Variants in MAML1 observed in about 807,000 individuals in gnomAD.
The protein encoded by MAML1 is mastermind like transcriptional coactivator 1.
A neutral mutation model predicts 77.1 loss-of-function variants in MAML1; 14 were observed. The ratio of observed to expected loss-of-function variants is 0.18; its 90% confidence interval spans 0.12 to 0.28. The LOEUF is 0.28. Ranked by LOEUF, MAML1 falls within the 10% of genes least tolerant of loss-of-function variation. The pLI is 1.00. For synonymous variants in MAML1, 516 were observed against 551.9 expected (o/e 0.93, Z 0.91); for missense variants, 1,217 against 1,327.8 (o/e 0.92, Z 1.30).
At chr5:179,745,544 C>T (rs368573547) in intron 1 of MAML1, among the ~76,000 whole-genome samples, 5 of 150,668 alleles carry the variant, frequency 3.3e-5, no homozygotes, top group Non-Finnish European at 5.9e-5. Context: ...GGAGAAACCC[C>T]GTCTCTACTA....
At chr5:179,743,636 A>T (rs1374642875) in intron 1 of MAML1, among the ~76,000 whole-genome samples, 2 of 151,818 alleles carry the variant, frequency 1.3e-5, no homozygotes, top group Non-Finnish European at 2.9e-5. Flanking sequence ...AAGTGCTGGG[A>T]TTACAGATGT....
Position 179,765,547 on chromosome 5 carries a change from C to T in MAML1, c.537C>T (p.His179=), listed in dbSNP as rs1321507482. Residue 179 remains histidine (H), a synonymous_variant, in exon 2 of 5, where the codon CAC becomes CAT. Coordinates refer to ENST00000292599, the MANE Select transcript of MAML1 (RefSeq NM_014757.5). The part of the protein sequence containing the change: ...GADALQSSGK[H]SLGLDSLNKK... The stretch of plus-strand genomic sequence containing the variant: ...ACGCCCTGCAGTCCAGTGGGAAGCA[C>T]TCTCTGGGGCTAGACTCTCTCAACA... 2 of 1,614,068 alleles carry T rather than the reference C, an allele frequency of 1.2e-6. No homozygotes were observed. The highest frequency in any genetic ancestry group is 1.7e-6 in the Non-Finnish European group (2 of 1,179,950).
In MAML1 at chr5:179,768,915, C is replaced by T. The variant is rs756133369; in HGVS notation, c.1797C>T (p.Ala599=). Residue 599 remains alanine (A), a synonymous_variant, in exon 3 of 5, where the codon GCC becomes GCT. Transcript: ENST00000292599. ...CCAGTGTTGGGACCCAGCCGCCTGC[C>T]GTGTCCGTGGCCAGCTCCCACAACA... ...QATSVGTQPP[A]VSVASSHNSS... is the part of the protein sequence containing the mutation. 57 of 1,614,046 alleles carry T rather than the reference C, an allele frequency of 3.5e-5. No homozygotes were observed. Among genetic ancestry groups the T allele is most frequent in the Non-Finnish European group, 4.2e-5 (49 of 1,180,050 alleles).
intron 4 of MAML1, among the ~76,000 whole-genome samples, chr5:179,772,049 T>C (rs1172230531): frequency 2.0e-5 from 3 of 152,160 alleles, no homozygotes; most frequent in Middle Eastern, 3.2e-3. Flanking sequence ...TTCAGACCCA[T>C]CTGACATTTT....
At chr5:179,764,989 AT>A (rs1247955342) in intron 1 of MAML1, among the ~76,000 whole-genome samples, 11 of 103,574 alleles carry the variant, frequency 1.1e-4, no homozygotes, top group Admixed American at 5.9e-4. Flanking sequence ...TATATATAAT[AT>A]ATATATGTGT....
chr5:179,776,775 G>T lies in MAML1; in HGVS notation c.*1898G>T, dbSNP rs962437825. ...TTAGTCCTGGGGCCGGCGACACAGT[G>T]GGGGCTCCTCACTTGCTGCAGTGTC... On this transcript the variant is annotated 3_prime_UTR_variant, in exon 5 of 5. Coordinates refer to ENST00000292599, the MANE Select transcript of MAML1 (RefSeq NM_014757.5). The T allele has an allele frequency of 1.0e-5, 10 of 985,816 alleles. No individual in the cohort carries two copies. Among genetic ancestry groups the T allele is most frequent in the African/African-American group, 1.7e-5 (1 of 57,248 alleles). 61.1% of individuals were successfully genotyped at this position (985,816 alleles called of 1,614,324 possible). A position where few individuals can be genotyped will look rare whatever the true frequency, so the allele number is the denominator to read the frequency against.
At position 179,766,106 on chromosome 5, in the gene MAML1, G is replaced by A. The variant is rs1357507372; in HGVS notation, c.1096G>A (p.Ala366Thr). The A allele has an allele frequency of 1.9e-6, 3 of 1,578,668 alleles. No homozygotes were observed. The highest frequency in any genetic ancestry group is 2.6e-6 in the Non-Finnish European group (3 of 1,163,970). Residue 366 changes from alanine to threonine, a missense_variant, in exon 2 of 5, where the codon GCA becomes ACA. Coordinates refer to ENST00000292599, the MANE Select transcript of MAML1 (RefSeq NM_014757.5). The surrounding 1 kb of genome is among the most constrained non-coding windows in gnomAD (Gnocchi z 4.0). ...CAATCCCAGTCCAAACCTGATGCCGGCATCAGCCCAGGCCCAGAACGCACA... is the reference window on the plus strand; with the variant it reads ...CAATCCCAGTCCAAACCTGATGCCGACATCAGCCCAGGCCCAGAACGCACA... ...ADNPSPNLMP[A>T]SAQAQNAQRA...
chr5:179,761,605 G>C (rs912338805), intron 1 of MAML1, among the ~76,000 whole-genome samples: 1 of 152,194 alleles, frequency 6.6e-6, no homozygotes, highest in African/African-American at 2.4e-5. Context: ...TGAGGCAGGA[G>C]AGTCACTTGA....
rs1450185694 is a variant in MAML1 at position 179,775,278 on chromosome 5, G to A, written c.*401G>A. 1 of 999,760 alleles carries A rather than the reference G, an allele frequency of 1.0e-6. No individual in the cohort carries two copies. Among genetic ancestry groups the A allele is most frequent in the African/African-American group, 1.7e-5 (1 of 57,910 alleles). The allele number at this position is 999,760 out of a possible 1,614,324, so 61.9% of individuals were successfully genotyped here. A position where few individuals can be genotyped will look rare whatever the true frequency, so the allele number is the denominator to read the frequency against. On this transcript the variant is annotated 3_prime_UTR_variant, in exon 5 of 5. Coordinates refer to ENST00000292599, the MANE Select transcript of MAML1 (RefSeq NM_014757.5). ...ACCCCAGTGCTGGGGACAAGTTTCT[G>A]TTGAAACTTTAGATAGCAGAATTAT...
chr5:179,773,126 G>A (rs897610929), intron 4 of MAML1, among the ~76,000 whole-genome samples: 4 of 152,106 alleles, frequency 2.6e-5, no homozygotes, highest in Admixed American at 6.5e-5. Flanking sequence ...CTCGTGATTC[G>A]CCCGCCTCGG....
At chr5:179,735,041 G>T (rs1472061994) in intron 1 of MAML1, among the ~76,000 whole-genome samples, 1 of 152,134 alleles carries the variant, frequency 6.6e-6, no homozygotes, top group Non-Finnish European at 1.5e-5. Flanking sequence ...TATTTCGGGG[G>T]AAGGGATAGC....
chr5:179,733,353 A>ACGGCCCCGGCGCCCGCCGCCC lies in MAML1; in HGVS notation c.250_270dup (p.Ala84_Pro90dup). On this transcript the variant is annotated inframe_insertion, in exon 1 of 5. Transcript: ENST00000292599. ...GAAGCACAGGCAGCCGCCCGCCGCC[A>ACGGCCCCGGCGCCCGCCGCCC]CGGCCCCGGCGCCCGCCGCCCCGGC... is the stretch of plus-strand genomic sequence containing the variant. 7.8e-7 allele frequency: 1 copy of ACGGCCCCGGCGCCCGCCGCCC among 1,278,718 alleles called. No homozygotes were observed. Among genetic ancestry groups the ACGGCCCCGGCGCCCGCCGCCC allele is most frequent in the Non-Finnish European group, 9.9e-7 (1 of 1,009,816 alleles). The allele number at this position is 1,278,718 out of a possible 1,614,324, so 79.2% of individuals were successfully genotyped here. A position where few individuals can be genotyped will look rare whatever the true frequency, so the allele number is the denominator to read the frequency against.
intron 1 of MAML1, among the ~76,000 whole-genome samples, chr5:179,735,827 A>G (rs187134395): frequency 2.2e-4 from 33 of 151,930 alleles, no homozygotes; most frequent in African/African-American, 7.7e-4. Context: ...AGCTGGGATT[A>G]CAGGCGCACA....
chr5:179,745,859 C>CAAA lies in MAML1; in HGVS notation c.315+12455_315+12457dup, dbSNP rs36036714. Among the ~76,000 whole-genome samples, 153 of 63,434 alleles carry CAAA rather than the reference C, an allele frequency of 2.4e-3. 1 individual carries two copies. The highest frequency in any genetic ancestry group is 5.4e-3 in the Admixed American group (25 of 4,618). The allele number at this position is 63,434 out of a possible 152,430, so 41.6% of individuals were successfully genotyped here. A position where few individuals can be genotyped will look rare whatever the true frequency, so the allele number is the denominator to read the frequency against. ...TGAGCGACAGAGCGCAACTCCGTCT[C>CAAA]AAAAAAAAAAAAAAAAAAAAAAAAA... On this transcript the variant is annotated intron_variant, in intron 1 of 4. Transcript: ENST00000292599.
At chr5:179,761,420 G>A (rs572340646) in intron 1 of MAML1, among the ~76,000 whole-genome samples, 79 of 152,038 alleles carry the variant, frequency 5.2e-4, no homozygotes, top group African/African-American at 1.8e-3. Context: ...TAAAGGGCTG[G>A]GTGAGGTGCC....
Position 179,753,145 on chromosome 5 carries a change from A to G in MAML1, c.316-12181A>G, listed in dbSNP as rs1017656135. Among the ~76,000 whole-genome samples the G allele has an allele frequency of 2.7e-5, 4 of 150,834 alleles. No individual in the cohort carries two copies. The East Asian group carries it at 7.8e-4, about 29-fold the overall frequency. ...GGAAAGACTGTATTTATAATTACTG[A>G]TTTCAGTTTGCTCACCTAAATCCTA... On this transcript the variant is annotated intron_variant, in intron 1 of 4. Coordinates refer to ENST00000292599, the MANE Select transcript of MAML1 (RefSeq NM_014757.5).
chr5:179,760,378 C>T (rs1364762192), intron 1 of MAML1, among the ~76,000 whole-genome samples: 1 of 151,870 alleles, frequency 6.6e-6, no homozygotes, highest in African/African-American at 2.4e-5. Context: ...CTGAGTCATC[C>T]CCAGAAAAGT....
rs775542314 is a variant in MAML1, at chr5:179,774,077, A to G, written c.2251A>G (p.Met751Val). Residue 751 changes from methionine to valine, a missense_variant, in exon 5 of 5, where the codon ATG becomes GTG. Met to Val is a conservative substitution (Grantham distance 21). This residue lies in a region of MAML1 where 884 missense variants were observed against 949.3 expected (regional missense o/e 0.93). Transcript: ENST00000292599. ...GGCTCAGTTCCCTGGCTCCCAAAACATGCCTCAGAGCAGCCTCTATGGCAT... is the reference window on the plus strand; with the variant it reads ...GGCTCAGTTCCCTGGCTCCCAAAACGTGCCTCAGAGCAGCCTCTATGGCAT... ...GVAQFPGSQN[M>V]PQSSLYGMAS... 15 of 1,614,012 alleles carry G rather than the reference A, an allele frequency of 9.3e-6. No individual in the cohort carries two copies. In the South Asian group the frequency reaches 1.1e-4, roughly 12 times the overall value.
At chr5:179,751,638 G>C (rs1581931991) in intron 1 of MAML1, among the ~76,000 whole-genome samples, 1 of 151,966 alleles carries the variant, frequency 6.6e-6, no homozygotes, top group Non-Finnish European at 1.5e-5. Context: ...CCGGGAGGCA[G>C]CGGGTGCAGT....
Sources: gnomAD v4.1 joint callset for allele counts (sites outside exome capture counted in the v4.1 genomes callset) on GRCh38, gnomAD v4.1.1 for gene constraint, gnomAD v4.1.1 regional missense constraint, Gnocchi (gnomAD v3.1) non-coding constraint, MANE v1.5 for transcripts, NCBI Gene and HGNC (gene_info 2026-07-23, HGNC 2026-07-21) for gene names.